The following EIF4E variants were observed in gnomAD, a reference collection of about 807,000 sequenced individuals.
EIF4E encodes eIF-4F 25 kDa subunit.
For missense variants in EIF4E, 113 were observed against 265.6 expected, an observed-to-expected ratio of 0.43 and a Z score of 3.99; for synonymous variants, 71 against 88.5, an observed-to-expected ratio of 0.80 and a Z score of 1.11.
chr4:98,902,045 C>G, intron 1 of EIF4E, 63 bp from the exon 2 acceptor site: 10 of 1,449,882 alleles, frequency 6.9e-6, no homozygotes, highest in Non-Finnish European at 9.7e-6. Context: ...CAGCAATATT[C>G]TAACTAAACC....
At chr4:98,925,258 C>A (rs1045084872) in intron 1 of EIF4E, among the ~76,000 whole-genome samples, 29 of 152,100 alleles carry the variant, frequency 1.9e-4, no homozygotes, top group Non-Finnish European at 4.0e-4. Flanking sequence ...AAATTATACA[C>A]TTTCAGTTAA....
Position 98,892,166 on chromosome 4 carries a change from G to A in EIF4E, c.126-834C>T, listed in dbSNP as rs540691542. 2.6e-5 allele frequency among the ~76,000 whole-genome samples: 4 copies of A among 151,540 alleles called. No homozygotes were observed. The South Asian group carries it at 8.3e-4, about 32-fold the overall frequency. ...ATTCGAGACCAGCCTGATCAACATG[G>A]AGAAACTCCGTCTCTAGGAAAAATA... is the stretch of plus-strand genomic sequence containing the variant. On this transcript the variant is annotated intron_variant, in intron 2 of 6. Coordinates refer to ENST00000450253, the MANE Select transcript of EIF4E (RefSeq NM_001968.5).
At chr4:98,912,206 C>T (rs563814682) in intron 1 of EIF4E, among the ~76,000 whole-genome samples, 5 of 149,954 alleles carry the variant, frequency 3.3e-5, no homozygotes, top group Non-Finnish European at 5.9e-5. Context: ...GAGCCAAGAT[C>T]GCGCCACTGC....
chr4:98,886,770 T>C (rs1723938475), intron 5 of EIF4E: 1 of 372,732 alleles, frequency 2.7e-6, no homozygotes, highest in African/African-American at 2.1e-5. Context: ...TGTAAGAGGG[T>C]TGCAAAAACT....
chr4:98,883,079 A>G (rs1723765767), intron 6 of EIF4E, among the ~76,000 whole-genome samples: 1 of 152,140 alleles, frequency 6.6e-6, no homozygotes, highest in Admixed American at 6.6e-5. Flanking sequence ...TGAGGCTAGG[A>G]GTTTGACACC....
At chr4:98,918,366 A>G (rs1725490959) in intron 1 of EIF4E, among the ~76,000 whole-genome samples, 1 of 151,732 alleles carries the variant, frequency 6.6e-6, no homozygotes, top group Non-Finnish European at 1.5e-5. Flanking sequence ...CTTGGAAAAA[A>G]AAAAAAAAAG....
intron 2 of EIF4E, among the ~76,000 whole-genome samples, chr4:98,901,503 G>A (rs1479839760): frequency 1.3e-5 from 2 of 151,542 alleles, no homozygotes; most frequent in Admixed American, 6.6e-5. Context: ...GAGCCACCGC[G>A]TTGGGCGACC....
chr4:98,883,537 T>G (rs1280592656), intron 6 of EIF4E, among the ~76,000 whole-genome samples: 2 of 151,308 alleles, frequency 1.3e-5, no homozygotes, highest in Non-Finnish European at 2.9e-5. Context: ...TAGCTGGAAC[T>G]ACAGGCGCCC....
Position 98,929,132 on chromosome 4 carries a change from A to T in EIF4E, c.-20T>A. The T allele has an allele frequency of 1.3e-6, 2 of 1,563,226 alleles. No individual in the cohort carries two copies. The highest frequency in any genetic ancestry group is 1.7e-6 in the Non-Finnish European group (2 of 1,153,348). ...CGCCATCTTAGATCGATCTGATCGC[A>T]CAACCGCTCCAGAAGGGGGGGTAAG... On this transcript the variant is annotated 5_prime_UTR_variant, in exon 1 of 7. Transcript: ENST00000450253.
At chr4:98,892,336 C>CCA (rs201936292) in intron 2 of EIF4E, among the ~76,000 whole-genome samples, 43 of 131,268 alleles carry the variant, frequency 3.3e-4, no homozygotes, top group African/African-American at 1.0e-3. Flanking sequence ...AACAAAAAAA[C>CCA]AAACAAAAAA....
intron 1 of EIF4E, among the ~76,000 whole-genome samples, chr4:98,925,325 A>T (rs545948596): frequency 3.7e-4 from 56 of 152,248 alleles, no homozygotes; most frequent in South Asian, 6.2e-4. Context: ...TCAAAAAAAA[A>T]TTTTTTTAAT....
At chr4:98,892,599 T>C (rs969921288) in intron 2 of EIF4E, among the ~76,000 whole-genome samples, 3 of 129,616 alleles carry the variant, frequency 2.3e-5, no homozygotes, top group African/African-American at 7.6e-5. Flanking sequence ...CGAGAATCAC[T>C]TGAATCCAAG....
chr4:98,905,545 C>T (rs1271294713), intron 1 of EIF4E, among the ~76,000 whole-genome samples: 1 of 151,992 alleles, frequency 6.6e-6, no homozygotes, highest in East Asian at 1.9e-4. Flanking sequence ...TGTTAAAGGC[C>T]TCAAAGGTCA....
intron 2 of EIF4E, among the ~76,000 whole-genome samples, chr4:98,896,295 CAA>C (rs1724385398): frequency 6.6e-6 from 1 of 151,232 alleles, no homozygotes; most frequent in African/African-American, 2.5e-5. Flanking sequence ...TTGCTTGAGC[CAA>C]AGAGTTCGAG....
chr4:98,910,663 A>T (rs1043312580), intron 1 of EIF4E, among the ~76,000 whole-genome samples: 11 of 152,068 alleles, frequency 7.2e-5, no homozygotes, highest in South Asian at 2.1e-4. Context: ...TTTATTAATT[A>T]AAAAAAATCC....
intron 1 of EIF4E, among the ~76,000 whole-genome samples, chr4:98,919,973 A>C (rs1282142450): frequency 6.6e-6 from 1 of 152,246 alleles, no homozygotes; most frequent in African/African-American, 2.4e-5. Context: ...CACAAGCCAC[A>C]ATATCCAAAT....
intron 1 of EIF4E, among the ~76,000 whole-genome samples, chr4:98,918,036 CCA>C (rs1250892574): frequency 6.6e-6 from 1 of 150,408 alleles, no homozygotes; most frequent in African/African-American, 2.4e-5. Context: ...AGACTGCACT[CCA>C]GTCTGGGCAA....
chr4:98,925,169 A>C (rs12331940), intron 1 of EIF4E, among the ~76,000 whole-genome samples: 4,517 of 152,318 alleles, frequency 0.03, 217 homozygotes, highest in African/African-American at 0.1. Flanking sequence ...GCATTAAATT[A>C]GCTGATTGTC....
At position 98,918,294 on chromosome 4, in the gene EIF4E, C is replaced by T. The variant is rs546124874; in HGVS notation, c.18+10801G>A. 6.8e-5 allele frequency among the ~76,000 whole-genome samples: 10 copies of T among 146,616 alleles called. No individual in the cohort carries two copies. The East Asian group carries it at 1.6e-3, about 24-fold the overall frequency. ...AGGAGAATTGCTTGAACCCAAGAGG[C>T]GGAGGTTGCAGTGAGCCGAGATTGT... is the stretch of plus-strand genomic sequence containing the variant. On this transcript the variant is annotated intron_variant, in intron 1 of 6. Coordinates refer to ENST00000450253, the MANE Select transcript of EIF4E (RefSeq NM_001968.5).
Sources: allele counts gnomAD v4.1 joint callset (sites outside exome capture counted in the v4.1 genomes callset), GRCh38; gene constraint gnomAD v4.1.1; transcripts MANE v1.5; gene names NCBI Gene and HGNC (gene_info 2026-07-23, HGNC 2026-07-21).